ZNF567: variants seen among roughly 807,000 people sequenced by gnomAD.
ZNF567 encodes the protein zinc finger protein 567.
A neutral mutation model predicts 53.9 loss-of-function variants in ZNF567; 36 were observed. The observed-to-expected ratio is 0.67, with a 90% CI of 0.51 to 0.88. The LOEUF (loss-of-function observed/expected upper bound fraction) is 0.88, where lower values mean the gene tolerates loss of function less well. Among genes scored for constraint, ZNF567 ranks in the 40% least tolerant of loss-of-function variants. ZNF567 has a pLI of 0.00. For missense variants in ZNF567, 619 were observed against 764.7 expected, an observed-to-expected ratio of 0.81 and a Z score of 2.25; for synonymous variants, 224 against 260.4, an observed-to-expected ratio of 0.86 and a Z score of 1.35.
rs771874817 is a variant in ZNF567, at chr19:36,719,953, T to A, written c.1229T>A (p.Val410Glu). The change falls in exon 6 of 6, where the codon GTA (valine) becomes GAA (glutamate). Residue 410 changes from valine (V) to glutamate (E), a missense_variant. By Grantham distance (121) the Val-to-Glu change is moderately radical (BLOSUM62 -2). Transcript: ENST00000682579. ...KSFHQKANLT[V>E]HQRTHTGEKP... ...TTTCACCAGAAGGCAAATCTTACTG[T>A]ACATCAGAGAACTCATACAGGGGAA... The A allele has an allele frequency of 6.2e-7, 1 of 1,613,988 alleles. No homozygotes were observed. Among genetic ancestry groups the A allele is most frequent in the East Asian group, 2.2e-5 (1 of 44,848 alleles).
the ZNF567 span, among the ~76,000 whole-genome samples, chr19:36,678,501 G>A: frequency 6.6e-6 from 1 of 152,130 alleles, no homozygotes. Context: ...TATTGGATAA[G>A]GGGCTAATAT....
At chr19:36,711,074 G>GTA (rs2039759954) in intron 3 of ZNF567, among the ~76,000 whole-genome samples, 1 of 150,248 alleles carries the variant, frequency 6.7e-6, no homozygotes, top group African/African-American at 2.4e-5. Flanking sequence ...CTCACTTTTT[G>GTA]TGTGTGTGTG....
intron 3 of ZNF567, among the ~76,000 whole-genome samples, chr19:36,700,513 T>G (rs1040355869): frequency 2.7e-5 from 4 of 150,894 alleles, no homozygotes; most frequent in East Asian, 2.0e-4. Context: ...AGTTCCTCCT[T>G]GTACCTCTGG....
At chr19:36,701,833 T>C (rs2039206187) in intron 3 of ZNF567, among the ~76,000 whole-genome samples, 1 of 116,192 alleles carries the variant, frequency 8.6e-6, no homozygotes, top group Non-Finnish European at 1.8e-5. Flanking sequence ...GCACGTGAGA[T>C]GGGTTTCCTG....
At chr19:36,703,763 C>G (rs1008029001) in intron 3 of ZNF567, 1 of 153,224 alleles carries the variant, frequency 6.5e-6, no homozygotes, top group African/African-American at 2.4e-5. Flanking sequence ...CCTGGTGCCC[C>G]GTTTCCTAAG....
chr19:36,706,445 C>T (rs2039490829), intron 3 of ZNF567, among the ~76,000 whole-genome samples: 1 of 152,098 alleles, frequency 6.6e-6, no homozygotes, highest in Admixed American at 6.5e-5. Flanking sequence ...AGGCATGTGA[C>T]ACCATGCCCA....
At chr19:36,671,980 T>C in the ZNF567 span, among the ~76,000 whole-genome samples, 1 of 152,198 alleles carries the variant, frequency 6.6e-6, no homozygotes, top group African/African-American at 2.4e-5. Context: ...AATACCTTTC[T>C]CTCCCAGCCT....
intron 3 of ZNF567, among the ~76,000 whole-genome samples, chr19:36,703,336 C>CG (rs2039310474): frequency 6.7e-5 from 10 of 150,364 alleles, no homozygotes; most frequent in Admixed American, 4.0e-4. Flanking sequence ...TCTGCCCCTA[C>CG]TGGGGGGGGT....
At chr19:36,686,744 T>G (rs1204368964), upstream of ZNF567, 1 of 152,244 alleles carries the variant, frequency 6.6e-6, no homozygotes, top group African/African-American at 2.4e-5. Flanking sequence ...CAGATTTTAT[T>G]CCACCACTCG....
intron 3 of ZNF567, among the ~76,000 whole-genome samples, chr19:36,699,831 A>G (rs1288145267): frequency 3.8e-4 from 56 of 148,840 alleles, no homozygotes; most frequent in African/African-American, 9.7e-4. Context: ...GGCTGAGACA[A>G]TGGGGTTTTC....
chr19:36,720,905 CAA>C lies in ZNF567; in HGVS notation c.*239_*240del. 5 of 298,720 alleles carry C rather than the reference CAA, an allele frequency of 1.7e-5. No individual in the cohort carries two copies. Among genetic ancestry groups the C allele is most frequent in the Non-Finnish European group, 1.8e-5 (3 of 163,536 alleles). 18.5% of individuals were successfully genotyped at this position (298,720 alleles called of 1,614,324 possible). On this transcript the variant is annotated 3_prime_UTR_variant, in exon 6 of 6. Transcript: ENST00000682579. Reference sequence around the variant, plus strand: ...AAGTCAACTGCTCTTCCTACTGACTCAAATAGTTTATTTTTTAAAAATACTTA... The same window carrying C: ...AAGTCAACTGCTCTTCCTACTGACTCATAGTTTATTTTTTAAAAATACTTA...
At chr19:36,721,787 C>T (rs2040306959), downstream of ZNF567, among the ~76,000 whole-genome samples, 1 of 144,524 alleles carries the variant, frequency 6.9e-6, no homozygotes, top group East Asian at 2.0e-4. Context: ...CTCTGTTGCC[C>T]AGGCTGGAAT....
intron 2 of ZNF567, among the ~76,000 whole-genome samples, chr19:36,690,203 G>A (rs1203820930): frequency 2.0e-5 from 3 of 152,076 alleles, no homozygotes; most frequent in Non-Finnish European, 4.4e-5. Context: ...GAAAGTATGG[G>A]GAAAAAGACT....
chr19:36,673,953 C>G, the ZNF567 span, among the ~76,000 whole-genome samples: 3,243 of 152,182 alleles, frequency 0.021, 49 homozygotes, highest in Middle Eastern at 0.051. Context: ...ATTAGATTAC[C>G]ATTTTCTAAC....
the ZNF567 span, among the ~76,000 whole-genome samples, chr19:36,667,146 T>A: frequency 6.6e-6 from 1 of 151,886 alleles, no homozygotes; most frequent in Non-Finnish European, 1.5e-5. Context: ...GAAAGGTGTT[T>A]TGTTGTGCGC....
chr19:36,719,618 TC>T lies in ZNF567; in HGVS notation c.895del (p.His299IlefsTer50). 6.2e-7 allele frequency: 1 copy of T among 1,613,990 alleles called. No individual in the cohort carries two copies. Among genetic ancestry groups the T allele is most frequent in the Non-Finnish European group, 8.5e-7 (1 of 1,179,906 alleles). ...AFRRKSYLIDHQRTHTGEKPF... is the reference protein window; with the variant it reads ...AFRRKSYLIDXQRTHTGEKPF... Reference sequence around the variant, plus strand: ...TTAGAAGGAAATCATATCTCATTGATCATCAGAGAACTCACACAGGAGAGAA... The same window carrying T: ...TTAGAAGGAAATCATATCTCATTGATATCAGAGAACTCACACAGGAGAGAA... On this transcript the variant is annotated frameshift_variant, in exon 6 of 6. Transcript: ENST00000682579. LOFTEE classifies it high-confidence loss of function.
chr19:36,680,750 C>T, the ZNF567 span, among the ~76,000 whole-genome samples: 2 of 152,188 alleles, frequency 1.3e-5, no homozygotes, highest in African/African-American at 4.8e-5. Context: ...TTTCTGGTGG[C>T]TGTAGCCATT....
In ZNF567 at chr19:36,689,504, C is replaced by T. The variant is rs545949922; in HGVS notation, c.-67+7C>T. ...GATACCACTATAATTTAGTGTAAGTCATCTCTTACCTTCCAAGAGAACCTG... is the reference window on the plus strand; with the variant it reads ...GATACCACTATAATTTAGTGTAAGTTATCTCTTACCTTCCAAGAGAACCTG... On this transcript the variant is annotated splice_region_variant and intron_variant, in intron 2 of 5. Transcript: ENST00000682579. 11 of 151,998 alleles carry T rather than the reference C, an allele frequency of 7.2e-5. No individual in the cohort carries two copies. The highest frequency in any genetic ancestry group is 4.4e-5 in the Non-Finnish European group (3 of 68,002). 9.4% of individuals were successfully genotyped at this position (151,998 alleles called of 1,614,324 possible). A position where few individuals can be genotyped will look rare whatever the true frequency, so the allele number is the denominator to read the frequency against.
the ZNF567 span, among the ~76,000 whole-genome samples, chr19:36,682,023 C>T: frequency 6.6e-6 from 1 of 152,168 alleles, no homozygotes; most frequent in African/African-American, 2.4e-5. Flanking sequence ...CTTGTCATCC[C>T]AGCACTTTCA....
Sources: gnomAD v4.1 joint callset for allele counts (sites outside exome capture counted in the v4.1 genomes callset) on GRCh38, gnomAD v4.1.1 for gene constraint, MANE v1.5 for transcripts, NCBI Gene and HGNC (gene_info 2026-07-23, HGNC 2026-07-21) for gene names.